The following SHB variants were observed in gnomAD, a reference collection of about 807,000 sequenced individuals.
SHB encodes SH2 domain-containing adapter protein B.
In SHB, 20 loss-of-function variants were observed where a neutral mutation model predicts 52.3. The ratio of observed to expected loss-of-function variants is 0.38; its 90% confidence interval spans 0.27 to 0.56. SHB has a LOEUF of 0.56. SHB is among the 20% of genes least tolerant of loss of function. The pLI, the probability that SHB is intolerant of heterozygous loss-of-function variation, is 0.71. For synonymous variants in SHB, 397 were observed against 316.5 expected, an observed-to-expected ratio of 1.25 and a Z score of -2.70; for missense variants, 825 against 723.3, an observed-to-expected ratio of 1.14 and a Z score of -1.61.
intron 2 of SHB, among the ~76,000 whole-genome samples, chr9:37,990,175 T>C (rs1240654531): frequency 1.3e-5 from 2 of 150,912 alleles, no homozygotes; most frequent in Non-Finnish European, 2.9e-5. Flanking sequence ...GGTGCCCTGC[T>C]GACATGCTGC....
At chr9:38,058,756 G>A (rs992684026) in intron 1 of SHB, among the ~76,000 whole-genome samples, 1 of 152,056 alleles carries the variant, frequency 6.6e-6, no homozygotes, top group Admixed American at 6.6e-5. Context: ...TCTCTGCATT[G>A]CTCCCTGAAC....
chr9:38,024,358 G>C (rs527792154), intron 1 of SHB, among the ~76,000 whole-genome samples: 1 of 152,256 alleles, frequency 6.6e-6, no homozygotes, highest in Non-Finnish European at 1.5e-5. Context: ...TGCCCCACAT[G>C]TCAGGAGGCT....
intron 1 of SHB, among the ~76,000 whole-genome samples, chr9:38,023,274 C>T (rs894895514): frequency 6.6e-6 from 1 of 152,250 alleles, no homozygotes; most frequent in African/African-American, 2.4e-5. Flanking sequence ...TAACTCCGTG[C>T]AACCTGTTTT....
chr9:38,010,782 C>A (rs567886571), intron 2 of SHB, among the ~76,000 whole-genome samples: 14 of 152,290 alleles, frequency 9.2e-5, no homozygotes, highest in African/African-American at 3.4e-4. Flanking sequence ...GTCTCCAACA[C>A]AGCCCGGCCT....
At chr9:38,036,793 A>G (rs116163912) in intron 1 of SHB, among the ~76,000 whole-genome samples, 1,810 of 152,326 alleles carry the variant, frequency 0.012, 34 homozygotes, top group African/African-American at 0.041. Flanking sequence ...GACTATGCTC[A>G]GTTCTTTTAA....
intron 1 of SHB, among the ~76,000 whole-genome samples, chr9:38,037,272 C>T (rs1166712964): frequency 5.9e-5 from 9 of 152,134 alleles, no homozygotes; most frequent in Admixed American, 3.9e-4. Context: ...TGGAGTACTC[C>T]GTGTCATTTG....
chr9:37,957,249 C>G (rs561947766), intron 3 of SHB, among the ~76,000 whole-genome samples: 195 of 152,352 alleles, frequency 1.3e-3, no homozygotes, highest in Middle Eastern at 3.4e-3. Context: ...TCTCCTCTAA[C>G]CAGCAAGCAT....
intron 1 of SHB, among the ~76,000 whole-genome samples, chr9:38,033,981 C>A (rs1202265719): frequency 6.6e-6 from 1 of 152,206 alleles, no homozygotes; most frequent in African/African-American, 2.4e-5. Flanking sequence ...ACGGGTTCTG[C>A]CATTGATGAA....
chr9:37,928,833 C>A (rs533782969), intron 5 of SHB, among the ~76,000 whole-genome samples: 24 of 152,358 alleles, frequency 1.6e-4, no homozygotes, highest in Non-Finnish European at 2.4e-4. Flanking sequence ...AGGCTGTTTC[C>A]AAGGACAGGA....
intron 1 of SHB, among the ~76,000 whole-genome samples, chr9:38,058,701 C>A (rs2118184495): frequency 6.6e-6 from 1 of 152,312 alleles, no homozygotes; most frequent in East Asian, 1.9e-4. Flanking sequence ...CAGCCCTCAG[C>A]TGCCTTCATA....
rs1387490284 is a variant in SHB at position 37,919,729 on chromosome 9, C to G, written c.*92G>C. ...TACCATACACACAACACAAACGACA[C>G]AGCCAGCAACAGTGGCTGGGCTGGT... On this transcript the variant is annotated 3_prime_UTR_variant, in exon 6 of 6. Transcript: ENST00000377707. 1 of 995,946 alleles carries G rather than the reference C, an allele frequency of 1.0e-6. No individual in the cohort carries two copies. Among genetic ancestry groups the G allele is most frequent in the East Asian group, 2.4e-5 (1 of 41,840 alleles). The allele number at this position is 995,946 out of a possible 1,614,324, so 61.7% of individuals were successfully genotyped here.
intron 3 of SHB, among the ~76,000 whole-genome samples, chr9:37,972,435 C>T (rs962186500): frequency 1.3e-5 from 2 of 152,166 alleles, no homozygotes; most frequent in African/African-American, 2.4e-5. Flanking sequence ...CTTTGGCTCT[C>T]GGCCAGGGGC....
chr9:38,062,229 G>A (rs578246275), intron 1 of SHB, among the ~76,000 whole-genome samples: 91 of 152,348 alleles, frequency 6.0e-4, no homozygotes, highest in African/African-American at 2.1e-3. Flanking sequence ...CTGCACTGGT[G>A]TGATCCTTGC....
chr9:38,030,188 C>G (rs1275301691), intron 1 of SHB, among the ~76,000 whole-genome samples: 1 of 152,262 alleles, frequency 6.6e-6, no homozygotes, highest in African/African-American at 2.4e-5. Flanking sequence ...CAGAGAGCAA[C>G]TGCCCACCCA....
chr9:38,003,387 C>G (rs1821042151), intron 2 of SHB, among the ~76,000 whole-genome samples: 1 of 152,080 alleles, frequency 6.6e-6, no homozygotes, highest in Non-Finnish European at 1.5e-5. Flanking sequence ...CACCACCCTT[C>G]CCACCCAGTC....
intron 5 of SHB, among the ~76,000 whole-genome samples, chr9:37,924,271 G>C (rs185553468): frequency 6.6e-5 from 10 of 152,324 alleles, no homozygotes; most frequent in African/African-American, 2.4e-4. Flanking sequence ...GCTAATAACA[G>C]GCCCCACCTT....
At chr9:38,007,853 A>G (rs1213582790) in intron 2 of SHB, among the ~76,000 whole-genome samples, 2 of 152,274 alleles carry the variant, frequency 1.3e-5, no homozygotes, top group Middle Eastern at 3.4e-3. Flanking sequence ...GAGGGGTGGA[A>G]ATGTAAGATA....
At chr9:38,013,898 G>A (rs1334557319) in intron 2 of SHB, among the ~76,000 whole-genome samples, 3 of 152,176 alleles carry the variant, frequency 2.0e-5, no homozygotes, top group South Asian at 2.1e-4. Context: ...TCCAGGAAAG[G>A]AGCCGAACCT....
intron 1 of SHB, among the ~76,000 whole-genome samples, chr9:38,058,334 G>A (rs1220388491): frequency 1.3e-5 from 2 of 152,192 alleles, no homozygotes; most frequent in Non-Finnish European, 2.9e-5. Context: ...GTCCCACTCT[G>A]GACCCCTAGG....
Sources: allele counts gnomAD v4.1 joint callset (sites outside exome capture counted in the v4.1 genomes callset), GRCh38; gene constraint gnomAD v4.1.1; transcripts MANE v1.5; gene names NCBI Gene and HGNC (gene_info 2026-07-23, HGNC 2026-07-21).